TM6SF2: variants seen among roughly 807,000 people sequenced by gnomAD.
The protein encoded by TM6SF2 is transmembrane 6 superfamily member 2.
In TM6SF2, 29 loss-of-function variants were observed where a neutral mutation model predicts 41.0. That is an observed-to-expected ratio of 0.71 (90% CI 0.53 to 0.96). The LOEUF (loss-of-function observed/expected upper bound fraction) is 0.96, where lower values mean the gene tolerates loss of function less well. Among genes scored for constraint, TM6SF2 ranks in the 50% least tolerant of loss-of-function variants. The pLI, the probability that TM6SF2 is intolerant of heterozygous loss-of-function variation, is 0.00. For synonymous variants in TM6SF2, 200 were observed against 209.1 expected (o/e 0.96, Z 0.37); for missense variants, 475 against 499.0 (o/e 0.95, Z 0.46).
At chr19:19,265,362 C>CTATT (rs1418791464) in intron 9 of TM6SF2, among the ~76,000 whole-genome samples, 5 of 105,738 alleles carry the variant, frequency 4.7e-5, no homozygotes, top group African/African-American at 1.9e-4. Context: ...TTTAAAATTT[C>CTATT]TATCTATCTA....
intron 5 of TM6SF2, among the ~76,000 whole-genome samples, chr19:19,269,099 G>C (rs2061013831): frequency 6.6e-6 from 1 of 152,148 alleles, no homozygotes; most frequent in African/African-American, 2.4e-5. Flanking sequence ...AAGGATTACA[G>C]GCATGAGCCA....
chr19:19,270,519 G>T, intron 2 of TM6SF2, 77 bp from the exon 3 acceptor site: 2 of 1,508,508 alleles, frequency 1.3e-6, no homozygotes, highest in South Asian at 2.5e-5. Flanking sequence ...TGTGGGCGGG[G>T]CTTGAAGTTA....
At chr19:19,270,695 T>C (rs1021512317) in intron 2 of TM6SF2, among the ~76,000 whole-genome samples, 2 of 152,154 alleles carry the variant, frequency 1.3e-5, no homozygotes, top group Non-Finnish European at 2.9e-5. Context: ...GTGCCTGCCT[T>C]TGGGAGTCCC....
At position 19,268,862 on chromosome 19, in the gene TM6SF2, G is replaced by T. The variant is rs1219287168; in HGVS notation, c.485-108C>A. The T allele has an allele frequency of 2.9e-6, 4 of 1,358,906 alleles. No homozygotes were observed. The East Asian group carries it at 9.2e-5, about 31-fold the overall frequency. 84.2% of individuals were successfully genotyped at this position (1,358,906 alleles called of 1,614,324 possible). On this transcript the variant is annotated intron_variant, in intron 5 of 9. Transcript: ENST00000389363. The stretch of plus-strand genomic sequence containing the variant: ...CTTGCTCTGTCACCCAGGCTGGAGT[G>T]CAGTGATGCAATCTTGGCTCACTGC...
chr19:19,273,081 C>CCCAA, intron 1 of TM6SF2, 40 bp downstream of exon 1: 1 of 962,320 alleles, frequency 1.0e-6, no homozygotes, highest in Non-Finnish European at 1.5e-6. Flanking sequence ...CGCCCGCCCC[C>CCCAA]ACTGTCCCCA....
At chr19:19,270,727 G>A (rs571923462) in intron 2 of TM6SF2, among the ~76,000 whole-genome samples, 3 of 152,254 alleles carry the variant, frequency 2.0e-5, no homozygotes, top group East Asian at 1.9e-4. Context: ...GAGAGGCACC[G>A]TCCCTGCCCT....
chr19:19,268,143 G>T, intron 6 of TM6SF2, 56 bp from the exon 7 acceptor site: 1 of 1,250,856 alleles, frequency 8.0e-7, no homozygotes, highest in Non-Finnish European at 1.1e-6. Flanking sequence ...CAAGTATTCA[G>T]TAGGTACTCA....
At chr19:19,264,917 A>G in intron 9 of TM6SF2, 44 bp from the exon 10 acceptor site, 1 of 1,421,234 alleles carries the variant, frequency 7.0e-7, no homozygotes, top group Non-Finnish European at 9.3e-7. Context: ...GCCAGGAAGG[A>G]ACTGAAATCC....
intron 1 of TM6SF2, among the ~76,000 whole-genome samples, chr19:19,272,174 G>A (rs760224884): frequency 6.6e-6 from 1 of 152,180 alleles, no homozygotes; most frequent in African/African-American, 2.4e-5. Context: ...CTGTCCAGTT[G>A]TCCAGGGTCA....
Position 19,270,431 on chromosome 19 carries a change from A to G in TM6SF2, c.211T>C (p.Phe71Leu). 6.2e-7 allele frequency: 1 copy of G among 1,610,614 alleles called. No homozygotes were observed. The highest frequency in any genetic ancestry group is 1.3e-5 in the African/African-American group (1 of 74,990). ...YDPLYAVFAV[F>L]AFTSVVDLII... Reference sequence around the variant, plus strand: ...AGGTCCACAACCGAGGTGAAGGCGAAGACAGCGAAGACTGCAGTGAGTGGG... The same window carrying G: ...AGGTCCACAACCGAGGTGAAGGCGAGGACAGCGAAGACTGCAGTGAGTGGG... Residue 71 changes from phenylalanine to leucine, a missense_variant, in exon 3 of 10, where the codon TTC becomes CTC. This residue lies in a region of TM6SF2 where 238 missense variants were observed against 228.6 expected (regional missense o/e 1.04). Transcript: ENST00000389363.
chr19:19,273,065 C>A, intron 1 of TM6SF2, 56 bp downstream of exon 1: 12 of 451,424 alleles, frequency 2.7e-5, no homozygotes, highest in Non-Finnish European at 4.0e-5. Context: ...CAGTCCTCCC[C>A]GCCCCCGCCC....
intron 8 of TM6SF2, among the ~76,000 whole-genome samples, chr19:19,267,317 G>A (rs1034039219): frequency 2.7e-5 from 4 of 148,682 alleles, no homozygotes; most frequent in African/African-American, 1.0e-4. Context: ...GCAGTGAGCC[G>A]AGATCATGCC....
At chr19:19,271,809 G>A (rs1417411740) in intron 1 of TM6SF2, among the ~76,000 whole-genome samples, 1 of 152,150 alleles carries the variant, frequency 6.6e-6, no homozygotes, top group African/African-American at 2.4e-5. Flanking sequence ...AGGATTACAG[G>A]CATGAGCCAC....
intron 7 of TM6SF2, 63 bp from the exon 8 acceptor site, chr19:19,267,776 C>G (rs1032075104): frequency 8.1e-6 from 12 of 1,490,422 alleles, no homozygotes; most frequent in Non-Finnish European, 1.0e-5. Flanking sequence ...CTCCCCCACC[C>G]TCCCAGGCCC....
chr19:19,272,728 T>TGTGTGAGA (rs1555786937), intron 1 of TM6SF2, among the ~76,000 whole-genome samples: 26 of 149,838 alleles, frequency 1.7e-4, no homozygotes, highest in African/African-American at 5.4e-4. Flanking sequence ...TGTGTGTGTG[T>TGTGTGAGA]GAGCAGGAGT....
chr19:19,268,596 T>C (rs751484459), intron 6 of TM6SF2, 34 bp downstream of exon 6: 20 of 1,534,258 alleles, frequency 1.3e-5, no homozygotes, highest in Non-Finnish European at 1.5e-5. Flanking sequence ...TTCAGGCACA[T>C]TGGGACAAGG....
chr19:19,268,853 G>A (rs1324091818), intron 5 of TM6SF2, 99 bp from the exon 6 acceptor site: 3 of 1,409,710 alleles, frequency 2.1e-6, no homozygotes, highest in Admixed American at 3.4e-5. Flanking sequence ...CTGTCACCCA[G>A]GCTGGAGTGC....
At chr19:19,270,079 C>T (rs755256363) in intron 4 of TM6SF2, 94 bp downstream of exon 4, 2 of 1,569,892 alleles carry the variant, frequency 1.3e-6, no homozygotes, top group Non-Finnish European at 8.6e-7. Flanking sequence ...ATTTCTCCTA[C>T]AGACACTTCT....
intron 7 of TM6SF2, 36 bp downstream of exon 7, chr19:19,267,950 G>C: frequency 1.4e-6 from 2 of 1,424,990 alleles, no homozygotes; most frequent in Non-Finnish European, 2.0e-6. Flanking sequence ...GGAGACTGGT[G>C]GCAGGGGAGG....
Sources: allele counts gnomAD v4.1 joint callset (sites outside exome capture counted in the v4.1 genomes callset), GRCh38; gene constraint gnomAD v4.1.1; regional missense constraint gnomAD v4.1.1; transcripts MANE v1.5; gene names NCBI Gene and HGNC (gene_info 2026-07-23, HGNC 2026-07-21).